The following CSMD1 variants were observed in gnomAD, a reference collection of about 807,000 sequenced individuals.
CSMD1 encodes CUB and sushi domain-containing protein 1.
A neutral mutation model predicts 417.5 loss-of-function variants in CSMD1; 213 were observed. That is an observed-to-expected ratio of 0.51 (90% CI 0.46 to 0.57). The LOEUF (loss-of-function observed/expected upper bound fraction) is 0.57, where lower values mean the gene tolerates loss of function less well. Among genes scored for constraint, CSMD1 ranks in the 20% least tolerant of loss-of-function variants. The pLI is 0.00. For missense variants in CSMD1, 6,923 were observed against 4,529.7 expected, an observed-to-expected ratio of 1.53 and a Z score of -15.17; for synonymous variants, 2,862 against 1,736.8, an observed-to-expected ratio of 1.65 and a Z score of -16.11.
chr8:4,499,451 A>T (rs575099700), intron 2 of CSMD1, among the ~76,000 whole-genome samples: 5 of 152,350 alleles, frequency 3.3e-5, no homozygotes, highest in African/African-American at 1.2e-4. Flanking sequence ...CTGCTCTTCC[A>T]CAAAGAGTGA....
intron 7 of CSMD1, among the ~76,000 whole-genome samples, chr8:3,661,825 T>C (rs1461158386): frequency 6.6e-6 from 1 of 151,980 alleles, no homozygotes; most frequent in African/African-American, 2.4e-5. Flanking sequence ...TCAGATGAAG[T>C]TTTTATCACA....
At chr8:4,400,560 C>T (rs1055251732) in intron 3 of CSMD1, among the ~76,000 whole-genome samples, 1 of 152,230 alleles carries the variant, frequency 6.6e-6, no homozygotes, top group African/African-American at 2.4e-5. Flanking sequence ...CAGGGCCAGC[C>T]ACATCAGCCA....
intron 1 of CSMD1, among the ~76,000 whole-genome samples, chr8:4,878,493 G>A (rs1026673805): frequency 5.9e-5 from 9 of 151,794 alleles, no homozygotes; most frequent in Non-Finnish European, 4.4e-5. Flanking sequence ...GAATCATGAT[G>A]ATGATGATGA....
At chr8:4,590,602 A>G (rs923805763) in intron 2 of CSMD1, among the ~76,000 whole-genome samples, 9 of 152,240 alleles carry the variant, frequency 5.9e-5, no homozygotes, top group African/African-American at 2.2e-4. Context: ...ATTTAAAATA[A>G]AAATGTATAC....
Position 3,453,565 on chromosome 8 carries a change from A to G in CSMD1, c.1561+15147T>C, listed in dbSNP as rs1489224566. Among the ~76,000 whole-genome samples the G allele has an allele frequency of 3.9e-5, 6 of 152,072 alleles. No homozygotes were observed. The East Asian group carries it at 1.2e-3, about 29-fold the overall frequency. On this transcript the variant is annotated intron_variant, in intron 12 of 69. Transcript: ENST00000635120. ...TCTTTATTTCTACCTTCATTTCGTT[A>G]TGTACCAAGTAGTCATTGAGGAGCA...
intron 1 of CSMD1, among the ~76,000 whole-genome samples, chr8:4,901,131 G>T (rs575048153): frequency 1.7e-4 from 26 of 152,180 alleles, no homozygotes; most frequent in Non-Finnish European, 2.8e-4. Flanking sequence ...CACAGCAATT[G>T]CATGTTCAAA....
chr8:4,900,900 C>G (rs948712385), intron 1 of CSMD1, among the ~76,000 whole-genome samples: 2 of 152,172 alleles, frequency 1.3e-5, no homozygotes, highest in Non-Finnish European at 2.9e-5. Context: ...GGCAGGTGCA[C>G]CACTAGTTAC....
intron 11 of CSMD1, among the ~76,000 whole-genome samples, chr8:3,469,727 C>A (rs927119664): frequency 1.3e-5 from 2 of 152,198 alleles, no homozygotes; most frequent in African/African-American, 4.8e-5. Flanking sequence ...TGTCTATCAA[C>A]CCTACATCCT....
At chr8:4,449,611 C>T (rs1365049750) in intron 2 of CSMD1, among the ~76,000 whole-genome samples, 1 of 152,112 alleles carries the variant, frequency 6.6e-6, no homozygotes, top group African/African-American at 2.4e-5. Flanking sequence ...ATATTCACTG[C>T]TGTAGCCAGA....
intron 26 of CSMD1, among the ~76,000 whole-genome samples, chr8:3,243,606 C>A (rs915133006): frequency 6.6e-6 from 1 of 151,958 alleles, no homozygotes; most frequent in Non-Finnish European, 1.5e-5. Context: ...ATTTTCACTT[C>A]TTTTGTGGTG....
intron 3 of CSMD1, among the ~76,000 whole-genome samples, chr8:4,065,030 C>A (rs534922662): frequency 6.6e-6 from 1 of 151,948 alleles, no homozygotes. Context: ...TAAAAAAAAT[C>A]TGAAATGATT....
At chr8:3,229,055 G>A (rs78113561) in intron 27 of CSMD1, among the ~76,000 whole-genome samples, 1,925 of 152,110 alleles carry the variant, frequency 0.013, 101 homozygotes, top group Admixed American at 0.09. Flanking sequence ...CAGACAACTG[G>A]GATAAGTGGT....
At chr8:4,942,768 A>C (rs1287151676) in intron 1 of CSMD1, among the ~76,000 whole-genome samples, 1 of 152,226 alleles carries the variant, frequency 6.6e-6, no homozygotes, top group Non-Finnish European at 1.5e-5. Flanking sequence ...AATGACATAC[A>C]CAGATGATGT....
intron 5 of CSMD1, among the ~76,000 whole-genome samples, chr8:3,762,953 C>T (rs911228339): frequency 1.4e-5 from 2 of 139,080 alleles, no homozygotes; most frequent in East Asian, 3.9e-4. Flanking sequence ...TCTGCTCATC[C>T]CCCAACTCTC....
At chr8:3,373,599 T>C (rs1436700759) in intron 18 of CSMD1, 1 of 152,224 alleles carries the variant, frequency 6.6e-6, no homozygotes, top group African/African-American at 2.4e-5. Context: ...TTTTAGTGTC[T>C]ATACAGGTGA....
In CSMD1 at chr8:4,266,454, G is replaced by A. The variant is rs1410529758; in HGVS notation, c.415+153499C>T. ...AATATGTTAGGTTATATTGATGATT[G>A]GTTAGATAGAAGCCAAGGATAAAAT... On this transcript the variant is annotated intron_variant, in intron 3 of 69. Coordinates refer to ENST00000635120, the MANE Select transcript of CSMD1 (RefSeq NM_033225.6). 1.2e-4 allele frequency among the ~76,000 whole-genome samples: 12 copies of A among 104,092 alleles called. 5 individuals carry two copies. Among genetic ancestry groups the A allele is most frequent in the Admixed American group, 2.7e-4 (3 of 10,970 alleles). The allele number at this position is 104,092 out of a possible 152,430, so 68.3% of individuals were successfully genotyped here.
At chr8:4,055,731 T>C (rs1026508649) in intron 3 of CSMD1, among the ~76,000 whole-genome samples, 2 of 152,192 alleles carry the variant, frequency 1.3e-5, no homozygotes, top group African/African-American at 2.4e-5. Context: ...AAAAACTTGC[T>C]GTCATCCACA....
intron 36 of CSMD1, chr8:3,182,846 G>GTGTGTGTGTGTGTA: frequency 1.3e-5 from 1 of 75,242 alleles, no homozygotes; most frequent in Admixed American, 1.4e-4. Flanking sequence ...AAGAAGGTGT[G>GTGTGTGTGTGTGTA]TGTGTGTGTG....
intron 5 of CSMD1, among the ~76,000 whole-genome samples, chr8:3,844,207 T>C (rs1472560898): frequency 6.6e-6 from 1 of 152,152 alleles, no homozygotes; most frequent in Non-Finnish European, 1.5e-5. Flanking sequence ...AGAAGGGTGT[T>C]GAAGAATGAG....
Sources: gnomAD v4.1 joint callset for allele counts (sites outside exome capture counted in the v4.1 genomes callset) on GRCh38, gnomAD v4.1.1 for gene constraint, MANE v1.5 for transcripts, NCBI Gene and HGNC (gene_info 2026-07-23, HGNC 2026-07-21) for gene names.